The following TENT4B variants were observed in gnomAD, a reference collection of about 807,000 sequenced individuals.
The protein encoded by TENT4B is PAP associated domain containing 5.
TENT4B carries 10 observed loss-of-function variants against 75.0 expected under a neutral mutation model. That is an observed-to-expected ratio of 0.13 (90% CI 0.08 to 0.23). The LOEUF is 0.23. Among genes scored for constraint, TENT4B ranks in the 10% least tolerant of loss-of-function variants. TENT4B has a pLI of 1.00. For synonymous variants in TENT4B, 350 were observed against 357.7 expected (o/e 0.98, Z 0.24); for missense variants, 579 against 893.8 (o/e 0.65, Z 4.49).
chr16:50,152,933 C>T (rs1307730579), upstream of TENT4B: 2 of 1,496,834 alleles, frequency 1.3e-6, no homozygotes, highest in Non-Finnish European at 8.9e-7. Flanking sequence ...GCGCTCCCTG[C>T]GGGGCGGGCG....
In TENT4B at chr16:50,230,828, ATGCT is replaced by A; in HGVS notation, c.*1502_*1505del. 1 of 985,618 alleles carries A rather than the reference ATGCT, an allele frequency of 1.0e-6. No individual in the cohort carries two copies. The highest frequency in any genetic ancestry group is 1.2e-6 in the Non-Finnish European group (1 of 829,732). 61.1% of individuals were successfully genotyped at this position (985,618 alleles called of 1,614,324 possible). A position where few individuals can be genotyped will look rare whatever the true frequency, so the allele number is the denominator to read the frequency against. ...TAGAATGTAAGTGACATTTCTGAAA[ATGCT>A]TTCTTTCAGGGTGAAAGCTCTTATG... On this transcript the variant is annotated 3_prime_UTR_variant, in exon 12 of 12. Transcript: ENST00000561678.
At position 50,229,249 on chromosome 16, in the gene TENT4B, G is replaced by A; in HGVS notation, c.2063G>A (p.Gly688Asp). The change falls in exon 12 of 12, where the codon GGC becomes GAC. Residue 688 changes from glycine to aspartate, a missense_variant. By Grantham distance (94) the Gly-to-Asp change is moderately conservative (BLOSUM62 -1). This residue lies in a region of TENT4B where 164 missense variants were observed against 226.5 expected (regional missense o/e 0.72). Coordinates refer to ENST00000561678, the MANE Select transcript of TENT4B (RefSeq NM_001365324.3). ...TTGATGACAAACAAACAACATCAAG[G>A]CAAATCCAATAATCAGTATTACCAT... Reference protein sequence around the residue: ...GSLMTNKQHQGKSNNQYYHGK... With the variant: ...GSLMTNKQHQDKSNNQYYHGK... 2 of 1,613,872 alleles carry A rather than the reference G, an allele frequency of 1.2e-6. No homozygotes were observed. The highest frequency in any genetic ancestry group is 1.6e-4 in the Middle Eastern group (1 of 6,062).
intron 1 of TENT4B, among the ~76,000 whole-genome samples, chr16:50,178,418 T>G (rs1459697269): frequency 6.6e-6 from 1 of 152,026 alleles, no homozygotes; most frequent in African/African-American, 2.4e-5. Context: ...TACTCCAGCC[T>G]GGGCAACAGA....
chr16:50,225,264 A>G lies in TENT4B; in HGVS notation c.1779A>G (p.Thr593=), dbSNP rs760505159. 3 of 1,613,692 alleles carry G rather than the reference A, an allele frequency of 1.9e-6. No homozygotes were observed. The highest frequency in any genetic ancestry group is 2.7e-5 in the African/African-American group (2 of 74,918). The change falls in exon 10 of 12, where the codon ACA becomes ACG. Residue 593 remains threonine, a synonymous_variant. Coordinates refer to ENST00000561678, the MANE Select transcript of TENT4B (RefSeq NM_001365324.3). The part of the protein sequence containing the change: ...SSGPVSSSSA[T]QSSSSDVDSD... ...GTCCAGTGTCGTCCTCTTCTGCCACACAGTCCAGCTCTAGTGATGTAGTAA... is the reference window on the plus strand; with the variant it reads ...GTCCAGTGTCGTCCTCTTCTGCCACGCAGTCCAGCTCTAGTGATGTAGTAA...
At chr16:50,168,068 T>A (rs1337104291) in intron 1 of TENT4B, among the ~76,000 whole-genome samples, 1 of 151,376 alleles carries the variant, frequency 6.6e-6, no homozygotes, top group East Asian at 1.9e-4. Flanking sequence ...TCTTGTTTCC[T>A]CATTGAGCAA....
rs572193610 is a variant in TENT4B at position 50,167,410 on chromosome 16, G to GT, written c.638+13162dup. ...GTTTTTTTTTTTTACTTTCTTTTAG[G>GT]TTTTTTTTTTTCTTAAATAATTAAA... On this transcript the variant is annotated intron_variant, in intron 1 of 11. Transcript: ENST00000561678. 2.3e-3 allele frequency among the ~76,000 whole-genome samples: 331 copies of GT among 144,040 alleles called. 1 individual carries two copies. Among genetic ancestry groups the GT allele is most frequent in the African/African-American group, 6.4e-3 (251 of 39,172 alleles). The allele number at this position is 144,040 out of a possible 152,430, so 94.5% of individuals were successfully genotyped here. A position where few individuals can be genotyped will look rare whatever the true frequency, so the allele number is the denominator to read the frequency against.
chr16:50,163,417 CTTTTTTT>C (rs559720798), intron 1 of TENT4B, among the ~76,000 whole-genome samples: 1 of 132,986 alleles, frequency 7.5e-6, no homozygotes, highest in African/African-American at 2.8e-5. Context: ...GATATAATTT[CTTTTTTT>C]TTTTTTTTTT....
chr16:50,221,929 A>AT (rs1314438720), intron 5 of TENT4B, among the ~76,000 whole-genome samples: 1 of 151,806 alleles, frequency 6.6e-6, no homozygotes, highest in Admixed American at 6.6e-5. Context: ...ACTCCTGGCT[A>AT]TTTTTTGTAT....
intron 1 of TENT4B, among the ~76,000 whole-genome samples, chr16:50,176,068 G>A (rs555662865): frequency 6.6e-6 from 1 of 150,688 alleles, no homozygotes; most frequent in South Asian, 2.1e-4. Context: ...CAGACATGAG[G>A]CACTCAGCCC....
chr16:50,167,684 G>A (rs954739492), intron 1 of TENT4B, among the ~76,000 whole-genome samples: 2 of 147,258 alleles, frequency 1.4e-5, no homozygotes, highest in Non-Finnish European at 3.0e-5. Flanking sequence ...TGTTGAGACA[G>A]TCTTGCTCTG....
In TENT4B at chr16:50,229,276, G is replaced by A; in HGVS notation, c.2090G>A (p.Gly697Asp). The change falls in exon 12 of 12, where the codon GGC (glycine) becomes GAC (aspartate). Residue 697 changes from glycine to aspartate, a missense_variant. Around this residue, in one of 7 missense-constraint regions of TENT4B, gnomAD observed 164 missense variants for 226.5 expected, o/e 0.72. Coordinates refer to ENST00000561678, the MANE Select transcript of TENT4B (RefSeq NM_001365324.3). ...AAATCCAATAATCAGTATTACCATG[G>A]CAAAAAGAGGAAACACAAGAGGGAC... Reference protein sequence around the residue: ...QGKSNNQYYHGKKRKHKRDAP... With the variant: ...QGKSNNQYYHDKKRKHKRDAP... The A allele has an allele frequency of 6.2e-7, 1 of 1,613,614 alleles. No homozygotes were observed.
chr16:50,160,481 C>T lies in TENT4B; in HGVS notation c.638+6222C>T, dbSNP rs141036304. ...ATACTAGAAAATTCTAAGTCAGGAA[C>T]GGGGGTGTGTATTAGAAAAATTCTG... On this transcript the variant is annotated intron_variant, in intron 1 of 11. Transcript: ENST00000561678. Among the ~76,000 whole-genome samples, 138 of 152,238 alleles carry T rather than the reference C, an allele frequency of 9.1e-4. 1 individual carries two copies. The highest frequency in any genetic ancestry group is 2.3e-3 in the Admixed American group (35 of 15,286).
At chr16:50,186,329 C>G (rs2038526694) in intron 1 of TENT4B, among the ~76,000 whole-genome samples, 1 of 151,432 alleles carries the variant, frequency 6.6e-6, no homozygotes, top group African/African-American at 2.4e-5. Context: ...TTTTTTTCTT[C>G]TTGTGATGCT....
chr16:50,170,195 A>AT (rs1202755223), intron 1 of TENT4B, among the ~76,000 whole-genome samples: 2 of 151,586 alleles, frequency 1.3e-5, no homozygotes, highest in South Asian at 2.1e-4. Flanking sequence ...AATTTTTTGT[A>AT]TTTTTAGCAG....
rs1193736319 is a variant in TENT4B at position 50,229,904 on chromosome 16, T to G, written c.*576T>G. 1.1e-6 allele frequency: 1 copy of G among 920,290 alleles called. No homozygotes were observed. The highest frequency in any genetic ancestry group is 1.3e-6 in the Non-Finnish European group (1 of 770,716). 57.0% of individuals were successfully genotyped at this position (920,290 alleles called of 1,614,324 possible). A position where few individuals can be genotyped will look rare whatever the true frequency, so the allele number is the denominator to read the frequency against. ...AATAATACTTTTTACATAACATTACTGTTTAAATTGTAAACAGATTTTTTC... is the reference window on the plus strand; with the variant it reads ...AATAATACTTTTTACATAACATTACGGTTTAAATTGTAAACAGATTTTTTC... On this transcript the variant is annotated 3_prime_UTR_variant, in exon 12 of 12. Transcript: ENST00000561678.
Position 50,233,913 on chromosome 16 carries a change from G to A in TENT4B, c.*4585G>A, listed in dbSNP as rs2032371775. The A allele has an allele frequency of 2.0e-6, 2 of 985,318 alleles. No homozygotes were observed. Among genetic ancestry groups the A allele is most frequent in the South Asian group, 9.4e-5 (2 of 21,288 alleles). 61.0% of individuals were successfully genotyped at this position (985,318 alleles called of 1,614,324 possible). A position where few individuals can be genotyped will look rare whatever the true frequency, so the allele number is the denominator to read the frequency against. On this transcript the variant is annotated 3_prime_UTR_variant, in exon 12 of 12. Coordinates refer to ENST00000561678, the MANE Select transcript of TENT4B (RefSeq NM_001365324.3). Reference sequence around the variant, plus strand: ...ACAGCTAATGATGTGGAAATCAGGTGTTCTCTTGTGTATTTCAGTGAACAT... The same window carrying A: ...ACAGCTAATGATGTGGAAATCAGGTATTCTCTTGTGTATTTCAGTGAACAT...
At chr16:50,208,784 T>C (rs1467386106) in intron 1 of TENT4B, among the ~76,000 whole-genome samples, 2 of 152,120 alleles carry the variant, frequency 1.3e-5, no homozygotes, top group African/African-American at 2.4e-5. Flanking sequence ...CCAGGCTGGA[T>C]TGCAGTGGCA....
At chr16:50,228,860 G>A (rs967326358) in intron 11 of TENT4B, among the ~76,000 whole-genome samples, 2 of 152,200 alleles carry the variant, frequency 1.3e-5, no homozygotes, top group Non-Finnish European at 2.9e-5. Context: ...TTATGATGTG[G>A]TGTTTGGGTT....
intron 1 of TENT4B, among the ~76,000 whole-genome samples, chr16:50,172,188 A>T (rs567583259): frequency 1.3e-5 from 2 of 152,260 alleles, no homozygotes; most frequent in East Asian, 3.9e-4. Flanking sequence ...CACCTCTACT[A>T]AACAGAAGTA....
Sources: gnomAD v4.1 joint callset for allele counts (sites outside exome capture counted in the v4.1 genomes callset) on GRCh38, gnomAD v4.1.1 for gene constraint, gnomAD v4.1.1 regional missense constraint, MANE v1.5 for transcripts, NCBI Gene and HGNC (gene_info 2026-07-23, HGNC 2026-07-21) for gene names.